TUBGCP6: variants seen among roughly 807,000 people sequenced by gnomAD.
TUBGCP6 encodes gamma-tubulin complex component 6.
In TUBGCP6, 161 loss-of-function variants were observed where a neutral mutation model predicts 175.8. The ratio of observed to expected loss-of-function variants is 0.92; its 90% confidence interval spans 0.81 to 1.04. The LOEUF is 1.04. Ranked by LOEUF, TUBGCP6 falls within the 50% of genes least tolerant of loss-of-function variation. The pLI is 0.00. For synonymous variants in TUBGCP6, 1,173 were observed against 1,030.5 expected (o/e 1.14, Z -2.65); for missense variants, 2,572 against 2,433.0 (o/e 1.06, Z -1.20).
Position 50,240,226 on chromosome 22 carries a change from T to G in TUBGCP6, c.883A>C (p.Arg295=). ...AALTYEASKR[R]CWERVGCPPG... is the part of the protein sequence containing the mutation. ...CACCAGCCAACTCGCTCCCAGCACC[T>G]CCGCTTGCTGGCCTCATAGGTAAGT... Residue 295 remains arginine (R), a synonymous_variant, in exon 2 of 25, where the codon AGG becomes CGG. Coordinates refer to ENST00000248846, the MANE Select transcript of TUBGCP6 (RefSeq NM_020461.4). 1 of 1,613,878 alleles carries G rather than the reference T, an allele frequency of 6.2e-7. No homozygotes were observed. The highest frequency in any genetic ancestry group is 1.7e-5 in the Admixed American group (1 of 60,016).
Position 50,219,708 on chromosome 22 carries a change from GGCCT to G in TUBGCP6, c.4247_4250del (p.Gln1416ProfsTer58). On this transcript the variant is annotated frameshift_variant, in exon 18 of 25. Transcript: ENST00000248846. LOFTEE classifies it high-confidence loss of function. ...ACTGCCCTGCCAGGCCTGCCAGGTA[GGCCT>G]GCTCCCCACCCTGAGCCTCCGCCGC... 1 of 1,613,706 alleles carries G rather than the reference GGCCT, an allele frequency of 6.2e-7. No individual in the cohort carries two copies. The highest frequency in any genetic ancestry group is 8.5e-7 in the Non-Finnish European group (1 of 1,179,940).
At chr22:50,234,182 T>A (rs1188798037) in intron 2 of TUBGCP6, among the ~76,000 whole-genome samples, 2 of 136,296 alleles carry the variant, frequency 1.5e-5, no homozygotes, top group African/African-American at 5.7e-5. Context: ...CACGGCAGCA[T>A]CATCCACACG....
At chr22:50,239,321 C>T (rs991670557) in intron 2 of TUBGCP6, among the ~76,000 whole-genome samples, 7 of 152,058 alleles carry the variant, frequency 4.6e-5, no homozygotes, top group Admixed American at 3.3e-4. Flanking sequence ...GGATTATAAG[C>T]GAGCACCACC....
intron 3 of TUBGCP6, among the ~76,000 whole-genome samples, chr22:50,232,845 C>T (rs2064711406): frequency 6.6e-6 from 1 of 152,260 alleles, no homozygotes; most frequent in South Asian, 2.1e-4. Flanking sequence ...CCATTCACTT[C>T]TCCAGTGCCC....
chr22:50,217,856 T>G, intron 24 of TUBGCP6, 29 bp from the exon 25 acceptor site: 2 of 1,612,060 alleles, frequency 1.2e-6, no homozygotes, highest in Non-Finnish European at 1.7e-6. Context: ...CTCAGGCTTT[T>G]GCCCACAGTG....
intron 9 of TUBGCP6, 37 bp downstream of exon 9, chr22:50,226,013 C>A (rs758394711): frequency 3.7e-6 from 6 of 1,613,318 alleles, no homozygotes; most frequent in African/African-American, 1.3e-5. Flanking sequence ...CAGGGAAGAC[C>A]GGCCCCTCTC....
At chr22:50,231,407 T>C (rs1225790497) in intron 3 of TUBGCP6, among the ~76,000 whole-genome samples, 1 of 150,614 alleles carries the variant, frequency 6.6e-6, no homozygotes, top group Non-Finnish European at 1.5e-5. Flanking sequence ...TGAGCTGAGA[T>C]CACACCACTG....
In TUBGCP6 at chr22:50,226,076, T is replaced by A; in HGVS notation, c.1807A>T (p.Asn603Tyr). ...HDIYVCGKTI[N>Y]LLKLCCPRHY... ...CGGGGGCAGCAGAGCTTCAGCAGGT[T>A]AATGGTCTTTCCGCAGACGTATATG... is the stretch of plus-strand genomic sequence containing the variant. Residue 603 changes from asparagine (N) to tyrosine (Y), a missense_variant, in exon 9 of 25, where the codon AAC (asparagine) becomes TAC (tyrosine). Transcript: ENST00000248846. 1 of 1,614,100 alleles carries A rather than the reference T, an allele frequency of 6.2e-7. No individual in the cohort carries two copies. Among genetic ancestry groups the A allele is most frequent in the Non-Finnish European group, 8.5e-7 (1 of 1,180,024 alleles).
At chr22:50,219,614 C>T (rs746946695) in intron 18 of TUBGCP6, 30 bp downstream of exon 18, 1 of 1,608,856 alleles carries the variant, frequency 6.2e-7, no homozygotes, top group Non-Finnish European at 8.5e-7. Context: ...CAGCCCAGGG[C>T]TCCCTGCCAA....
chr22:50,227,769 C>G (rs1432090283), intron 5 of TUBGCP6, 138 bp downstream of exon 5: 7 of 1,282,118 alleles, frequency 5.5e-6, no homozygotes, highest in Admixed American at 2.5e-5. Context: ...CTCGGCCGGC[C>G]AAGGGCCATC....
chr22:50,237,673 C>T (rs927094305), intron 2 of TUBGCP6, among the ~76,000 whole-genome samples: 11 of 152,132 alleles, frequency 7.2e-5, no homozygotes, highest in African/African-American at 4.8e-5. Flanking sequence ...CAGGCCCCAC[C>T]GTGCCGGAGC....
chr22:50,231,716 G>A lies in TUBGCP6; in HGVS notation c.1116+1600C>T, dbSNP rs9628270. The stretch of plus-strand genomic sequence containing the variant: ...CTACTAAAAATACAAAAAATTAGAC[G>A]GGCGCGGTGGCGGGTGCCTGTAGTC... On this transcript the variant is annotated intron_variant, in intron 3 of 24. Transcript: ENST00000248846. Among the ~76,000 whole-genome samples the A allele has an allele frequency of 4.8e-3, 723 of 151,552 alleles. 8 individuals are homozygous for A. The highest frequency in any genetic ancestry group is 0.016 in the African/African-American group (642 of 41,340).
In TUBGCP6 at chr22:50,243,692, T is replaced by G. The variant is rs760819123; in HGVS notation, c.741+27A>C. 9 of 1,529,734 alleles carry G rather than the reference T, an allele frequency of 5.9e-6. No individual in the cohort carries two copies. The South Asian group carries it at 6.2e-5, about 10-fold the overall frequency. 94.8% of individuals were successfully genotyped at this position (1,529,734 alleles called of 1,614,324 possible). On this transcript the variant is annotated intron_variant, in intron 1 of 24. Coordinates refer to ENST00000248846, the MANE Select transcript of TUBGCP6 (RefSeq NM_020461.4). ...AGCATTTTCCAAACCCCGAGAGAGATGAAAGAGGAAAAACTAAACATTCTA... is the reference window on the plus strand; with the variant it reads ...AGCATTTTCCAAACCCCGAGAGAGAGGAAAGAGGAAAAACTAAACATTCTA...
At chr22:50,223,826 T>C (rs1601589084) in intron 13 of TUBGCP6, 2 of 155,488 alleles carry the variant, frequency 1.3e-5, no homozygotes, top group East Asian at 2.9e-4. Flanking sequence ...GTCAGACCAA[T>C]AACAGACTTA....
At chr22:50,219,815 C>G (rs183500899) in intron 17 of TUBGCP6, 24 bp from the exon 18 acceptor site, 75 of 1,609,456 alleles carry the variant, frequency 4.7e-5, no homozygotes, top group Middle Eastern at 3.3e-4. Context: ...AGCCTCAGAA[C>G]CACCTCCCCA....
chr22:50,219,220 G>A lies in TUBGCP6; in HGVS notation c.4485-11C>T, dbSNP rs775448329. ...TTCACCAAGGAGATGCTGGCAGGAG[G>A]GAGCTGGAGTCAGGGCGGGCCAGGA... On this transcript the variant is annotated splice_polypyrimidine_tract_variant and intron_variant, in intron 19 of 24. Coordinates refer to ENST00000248846, the MANE Select transcript of TUBGCP6 (RefSeq NM_020461.4). The A allele has an allele frequency of 7.4e-6, 12 of 1,610,936 alleles. No homozygotes were observed. The highest frequency in any genetic ancestry group is 1.7e-5 in the Admixed American group (1 of 59,990).
chr22:50,228,709 C>T (rs934932495), intron 4 of TUBGCP6, among the ~76,000 whole-genome samples: 5 of 152,132 alleles, frequency 3.3e-5, no homozygotes, highest in Non-Finnish European at 5.9e-5. Context: ...CTCCCCGCCC[C>T]GTGCAGCTCC....
chr22:50,235,809 G>A (rs79916336), intron 2 of TUBGCP6, among the ~76,000 whole-genome samples: 2,335 of 152,080 alleles, frequency 0.015, 63 homozygotes, highest in East Asian at 0.12. Flanking sequence ...GCGTGGTGGC[G>A]GGCATCTGTA....
rs139343360 is a variant in TUBGCP6, at chr22:50,221,872, G to C, written c.2487C>G (p.Val829=). ...PDVLLSVHPQ[V]TSPGPEHPEG... ...CTGGGTGCTCAGGGCCCGGAGACGTGACCTGAAACACAGGTGACATCAGAC... is the reference window on the plus strand; with the variant it reads ...CTGGGTGCTCAGGGCCCGGAGACGTCACCTGAAACACAGGTGACATCAGAC... The change falls in exon 16 of 25, where the codon GTC becomes GTG. Residue 829 remains valine, a splice_region_variant and synonymous_variant. Coordinates refer to ENST00000248846, the MANE Select transcript of TUBGCP6 (RefSeq NM_020461.4). 4,445 of 1,514,186 alleles carry C rather than the reference G, an allele frequency of 2.9e-3. 9 individuals are homozygous for C. The highest frequency in any genetic ancestry group is 3.2e-3 in the Non-Finnish European group (3,595 of 1,131,526). 93.8% of individuals were successfully genotyped at this position (1,514,186 alleles called of 1,614,324 possible). A position where few individuals can be genotyped will look rare whatever the true frequency, so the allele number is the denominator to read the frequency against.
Sources: gnomAD v4.1 joint callset for allele counts (sites outside exome capture counted in the v4.1 genomes callset) on GRCh38, gnomAD v4.1.1 for gene constraint, MANE v1.5 for transcripts, NCBI Gene and HGNC (gene_info 2026-07-23, HGNC 2026-07-21) for gene names.